Variants in EPHB2 observed in about 807,000 individuals in gnomAD.
EPHB2 encodes ephrin type-B receptor 2.
In EPHB2, 18 loss-of-function variants were observed where a neutral mutation model predicts 96.4. The ratio of observed to expected loss-of-function variants is 0.19; its 90% CI spans 0.13 to 0.28. EPHB2 has a LOEUF of 0.28. Ranked by LOEUF, EPHB2 falls within the 10% of genes least tolerant of loss-of-function variation. The probability of loss-of-function intolerance (pLI) is 1.00; values close to 1 mark genes in which losing one functional copy is unlikely to be tolerated. For missense variants in EPHB2, 989 were observed against 1,355.4 expected (o/e 0.73, Z 4.25); for synonymous variants, 506 against 534.1 (o/e 0.95, Z 0.72).
At chr1:22,764,577 C>A (rs1304395192) in intron 1 of EPHB2, among the ~76,000 whole-genome samples, 1 of 152,110 alleles carries the variant, frequency 6.6e-6, no homozygotes, top group African/African-American at 2.4e-5. Flanking sequence ...GAAACCCCGT[C>A]TCTACTAAAA....
At chr1:22,809,349 G>T (rs1216457755) in intron 3 of EPHB2, among the ~76,000 whole-genome samples, 1 of 152,188 alleles carries the variant, frequency 6.6e-6, no homozygotes, top group East Asian at 1.9e-4. Context: ...GCTTAGGTTG[G>T]GGTGCAGAGA....
At chr1:22,794,824 C>G (rs537699560) in intron 3 of EPHB2, among the ~76,000 whole-genome samples, 33 of 152,308 alleles carry the variant, frequency 2.2e-4, no homozygotes, top group Non-Finnish European at 4.3e-4. Flanking sequence ...GCCTCCAGAT[C>G]ACTCCAGCAG....
Position 22,914,387 on chromosome 1 carries a change from G to A in EPHB2, c.*817G>A, listed in dbSNP as rs890195070. The A allele has an allele frequency of 6.8e-5, 11 of 161,356 alleles. No individual in the cohort carries two copies. The highest frequency in any genetic ancestry group is 1.2e-4 in the Admixed American group (2 of 17,314). The allele number at this position is 161,356 out of a possible 1,614,324, so 10.0% of individuals were successfully genotyped here. On this transcript the variant is annotated 3_prime_UTR_variant, in exon 16 of 16. Coordinates refer to ENST00000374630, the MANE Select transcript of EPHB2 (RefSeq NM_017449.5). ...GCCCACTCCCGCCAGCCCCTGCCTC[G>A]AGGACTGATACTGCAGTGACTGCCG...
chr1:22,745,465 G>C (rs548163167), intron 1 of EPHB2, among the ~76,000 whole-genome samples: 1 of 152,198 alleles, frequency 6.6e-6, no homozygotes, highest in South Asian at 2.1e-4. Flanking sequence ...ATGAGGACAG[G>C]ACACGAGGAA....
At chr1:22,856,159 G>T (rs547428043) in intron 3 of EPHB2, among the ~76,000 whole-genome samples, 2 of 152,154 alleles carry the variant, frequency 1.3e-5, no homozygotes, top group African/African-American at 2.4e-5. Flanking sequence ...GGGAGGAGAG[G>T]GGGGAGCAGA....
chr1:22,723,259 A>G (rs975427015), intron 1 of EPHB2, among the ~76,000 whole-genome samples: 6 of 152,268 alleles, frequency 3.9e-5, no homozygotes, highest in Non-Finnish European at 4.4e-5. Context: ...ACGGGGAGGC[A>G]GAGCCTGGGA....
intron 1 of EPHB2, among the ~76,000 whole-genome samples, chr1:22,716,915 G>A (rs895845443): frequency 5.9e-5 from 9 of 152,216 alleles, no homozygotes; most frequent in African/African-American, 1.7e-4. Context: ...CCAAGGACCC[G>A]TCTCCTGACC....
intron 3 of EPHB2, among the ~76,000 whole-genome samples, chr1:22,849,198 A>G (rs918885520): frequency 6.6e-6 from 1 of 152,106 alleles, no homozygotes; most frequent in African/African-American, 2.4e-5. Context: ...AAATATTGTT[A>G]CTGCTGAGCT....
chr1:22,902,870 G>T (rs1570460925), intron 9 of EPHB2, among the ~76,000 whole-genome samples: 1 of 152,230 alleles, frequency 6.6e-6, no homozygotes, highest in African/African-American at 2.4e-5. Flanking sequence ...GAGGGTACAG[G>T]TCTCCACTGG....
chr1:22,784,233 C>T lies in EPHB2; in HGVS notation c.127-159C>T, dbSNP rs1439856648. Among the ~76,000 whole-genome samples, 4 of 152,146 alleles carry T rather than the reference C, an allele frequency of 2.6e-5. No homozygotes were observed. The highest frequency in any genetic ancestry group is 5.9e-5 in the Non-Finnish European group (4 of 68,024). On this transcript the variant is annotated intron_variant, in intron 2 of 15. Transcript: ENST00000374630. This position sits in a 1 kb window ranked among gnomAD's most constrained non-coding sequence, Gnocchi z 5.1. ...AGAGCAGGATGTGTGCCTTTCCCACCTGATTGGCATGTCTCCCCCATCAGA... is the reference window on the plus strand; with the variant it reads ...AGAGCAGGATGTGTGCCTTTCCCACTTGATTGGCATGTCTCCCCCATCAGA...
At chr1:22,804,984 G>A (rs540766611) in intron 3 of EPHB2, among the ~76,000 whole-genome samples, 1 of 152,166 alleles carries the variant, frequency 6.6e-6, no homozygotes, top group African/African-American at 2.4e-5. Flanking sequence ...TTGTGGGCTA[G>A]AGAGTGAATC....
At chr1:22,887,872 G>C (rs1438250341) in intron 6 of EPHB2, among the ~76,000 whole-genome samples, 2 of 152,156 alleles carry the variant, frequency 1.3e-5, no homozygotes, top group Non-Finnish European at 2.9e-5. Flanking sequence ...GAGGATGGGG[G>C]GTGAAACTAT....
intron 3 of EPHB2, among the ~76,000 whole-genome samples, chr1:22,803,463 C>T (rs1644873749): frequency 6.6e-6 from 1 of 151,698 alleles, no homozygotes; most frequent in South Asian, 2.1e-4. Context: ...AAAAATTAGC[C>T]AGGTGTGGTG....
chr1:22,784,332 A>G lies in EPHB2; in HGVS notation c.127-60A>G. 6.5e-7 allele frequency: 1 copy of G among 1,543,216 alleles called. No homozygotes were observed. The highest frequency in any genetic ancestry group is 8.9e-7 in the Non-Finnish European group (1 of 1,118,996). On this transcript the variant is annotated intron_variant, in intron 2 of 15. Coordinates refer to ENST00000374630, the MANE Select transcript of EPHB2 (RefSeq NM_017449.5). The surrounding 1 kb of genome is among the most constrained non-coding windows in gnomAD (Gnocchi z 5.1). Reference sequence around the variant, plus strand: ...GCAGAGTCTGTGTCTTCCACCTTAGACTGAGTGTGTGCTGGGGCTGAGCCC... The same window carrying G: ...GCAGAGTCTGTGTCTTCCACCTTAGGCTGAGTGTGTGCTGGGGCTGAGCCC...
At chr1:22,904,389 A>C (rs758262109) in intron 9 of EPHB2, among the ~76,000 whole-genome samples, 21 of 152,158 alleles carry the variant, frequency 1.4e-4, no homozygotes, top group Non-Finnish European at 2.6e-4. Context: ...TATTTCCATA[A>C]CTTTTGGACT....
chr1:22,905,986 G>T lies in EPHB2; in HGVS notation c.1766-1G>T, dbSNP rs201638769. 6.2e-7 allele frequency: 1 copy of T among 1,614,210 alleles called. No individual in the cohort carries two copies. The highest frequency in any genetic ancestry group is 8.5e-7 in the Non-Finnish European group (1 of 1,180,042). On this transcript the variant is annotated splice_acceptor_variant, in intron 9 of 15. Coordinates refer to ENST00000374630, the MANE Select transcript of EPHB2 (RefSeq NM_017449.5). LOFTEE classifies it high-confidence loss of function. Reference sequence around the variant, plus strand: ...TGACAGAGCCTGGTCTTGTCCCCCAGTGACCCCAGGCATGAAGATCTACAT... The same window carrying T: ...TGACAGAGCCTGGTCTTGTCCCCCATTGACCCCAGGCATGAAGATCTACAT...
At chr1:22,763,340 C>G (rs1457450087) in intron 1 of EPHB2, among the ~76,000 whole-genome samples, 1 of 152,154 alleles carries the variant, frequency 6.6e-6, no homozygotes, top group Non-Finnish European at 1.5e-5. Context: ...ATCCATGGTG[C>G]CCCTGAGAGC....
Position 22,838,856 on chromosome 1 carries a change from G to A in EPHB2, c.812-24181G>A, listed in dbSNP as rs375459214. 1.1e-4 allele frequency among the ~76,000 whole-genome samples: 16 copies of A among 152,064 alleles called. 1 individual carries two copies. In the East Asian group the frequency reaches 1.7e-3, roughly 16 times the overall value. ...TGAGGCAGGAAAATGGTGTGAACCC[G>A]GGAGGCAGAGCTTGCAGTGAGCCGA... On this transcript the variant is annotated intron_variant, in intron 3 of 15. Transcript: ENST00000374630.
chr1:22,820,860 C>G (rs1435453997), intron 3 of EPHB2, among the ~76,000 whole-genome samples: 2 of 152,152 alleles, frequency 1.3e-5, no homozygotes, highest in African/African-American at 2.4e-5. Flanking sequence ...CATAAGATCG[C>G]TCAGATTATT....
Sources: gnomAD v4.1 joint callset for allele counts (sites outside exome capture counted in the v4.1 genomes callset) on GRCh38, gnomAD v4.1.1 for gene constraint, Gnocchi (gnomAD v3.1) non-coding constraint, MANE v1.5 for transcripts, NCBI Gene and HGNC (gene_info 2026-07-23, HGNC 2026-07-21) for gene names.